Variants in FSTL4 observed in about 807,000 individuals in gnomAD.
FSTL4 encodes follistatin-related protein 4.
FSTL4 carries 28 observed loss-of-function variants against 78.2 expected under a neutral mutation model. The observed-to-expected ratio is 0.36, with a 90% CI of 0.27 to 0.49. The LOEUF is 0.49. FSTL4 is among the 20% of genes least tolerant of loss of function. FSTL4 has a pLI of 0.98. For missense variants in FSTL4, 922 were observed against 1,084.9 expected (o/e 0.85, Z 2.11); for synonymous variants, 422 against 440.5 (o/e 0.96, Z 0.53).
chr5:133,290,135 C>A (rs72803127), intron 6 of FSTL4, among the ~76,000 whole-genome samples: 26,051 of 152,134 alleles, frequency 0.17, 2,635 homozygotes, highest in African/African-American at 0.27. Flanking sequence ...CAGGGTGTGG[C>A]CCCTCGCAAA....
chr5:133,347,595 G>C (rs945772433), intron 4 of FSTL4, among the ~76,000 whole-genome samples: 1 of 152,166 alleles, frequency 6.6e-6, no homozygotes, highest in African/African-American at 2.4e-5. Flanking sequence ...CTGACCTCAA[G>C]TGATCCACCC....
At chr5:133,209,307 G>C (rs7722335) in intron 14 of FSTL4, among the ~76,000 whole-genome samples, 25,282 of 152,020 alleles carry the variant, frequency 0.17, 6,632 homozygotes, top group African/African-American at 0.56. Context: ...TCCAGACCCT[G>C]GTCTTTCTGC....
intron 13 of FSTL4, among the ~76,000 whole-genome samples, chr5:133,213,309 A>G (rs1750801060): frequency 6.9e-6 from 1 of 145,320 alleles, no homozygotes; most frequent in Non-Finnish European, 1.5e-5. Flanking sequence ...GGCCTGAGAA[A>G]TACAAAGTAA....
At chr5:133,768,974 AC>A in the FSTL4 span, among the ~76,000 whole-genome samples, 1 of 152,214 alleles carries the variant, frequency 6.6e-6, no homozygotes. Context: ...GTGGAAAGCT[AC>A]ACTGCTTCTC....
In FSTL4 at chr5:133,567,191, C is replaced by T; in HGVS notation, c.155G>A (p.Arg52Lys). The T allele has an allele frequency of 6.2e-7, 1 of 1,608,234 alleles. No individual in the cohort carries two copies. Among genetic ancestry groups the T allele is most frequent in the Non-Finnish European group, 8.5e-7 (1 of 1,174,608 alleles). ...TATGAGTGCATTTTTCCTACCTTCT[C>T]TTCTTGTGACTTCAAAGCTTCTGGG... Reference protein sequence around the residue: ...EEPRSFEVTRREGLSSHNELL... With the variant: ...EEPRSFEVTRKEGLSSHNELL... The change falls in exon 3 of 16, where the codon AGA becomes AAA. Residue 52 changes from arginine to lysine, a missense_variant. Arg to Lys is a conservative substitution (Grantham distance 26). Coordinates refer to ENST00000265342, the MANE Select transcript of FSTL4 (RefSeq NM_015082.2).
At chr5:133,833,882 T>C in the FSTL4 span, among the ~76,000 whole-genome samples, 35 of 152,384 alleles carry the variant, frequency 2.3e-4, 1 homozygote, top group Non-Finnish European at 4.0e-4. Flanking sequence ...CTTTTGGATC[T>C]GACTACAGAA....
the FSTL4 span, among the ~76,000 whole-genome samples, chr5:133,625,747 C>CATATATATTCCAT: frequency 5.9e-5 from 3 of 50,542 alleles, no homozygotes; most frequent in Non-Finnish European, 1.0e-4. Flanking sequence ...ATATATATTC[C>CATATATATTCCAT]ATATATATAT....
chr5:133,320,591 C>T (rs1042777982), intron 4 of FSTL4, among the ~76,000 whole-genome samples: 1 of 152,242 alleles, frequency 6.6e-6, no homozygotes, highest in Non-Finnish European at 1.5e-5. Context: ...AGATGTGAAG[C>T]TGGGCCCTCT....
intron 3 of FSTL4, among the ~76,000 whole-genome samples, chr5:133,501,501 G>A (rs931291014): frequency 6.6e-6 from 1 of 152,176 alleles, no homozygotes; most frequent in African/African-American, 2.4e-5. Context: ...CTGGAGGAAG[G>A]AGGAACAGGT....
At chr5:133,818,284 A>G in the FSTL4 span, among the ~76,000 whole-genome samples, 2 of 152,342 alleles carry the variant, frequency 1.3e-5, no homozygotes, top group South Asian at 2.1e-4. Flanking sequence ...GGGAACACAC[A>G]GCATGGCCAT....
the FSTL4 span, among the ~76,000 whole-genome samples, chr5:133,636,909 A>C: frequency 5.3e-5 from 8 of 152,214 alleles, no homozygotes; most frequent in African/African-American, 1.9e-4. Flanking sequence ...TATCCATACT[A>C]TACAGATGAG....
the FSTL4 span, among the ~76,000 whole-genome samples, chr5:133,779,191 A>T: frequency 1.3e-5 from 2 of 152,124 alleles, no homozygotes; most frequent in Non-Finnish European, 2.9e-5. Context: ...CTCCTAGTTC[A>T]AGCCCATCCT....
Position 133,208,680 on chromosome 5 carries a change from C to G in FSTL4, c.1716+1511G>C, listed in dbSNP as rs148694660. On this transcript the variant is annotated intron_variant, in intron 14 of 15. Coordinates refer to ENST00000265342, the MANE Select transcript of FSTL4 (RefSeq NM_015082.2). ...GTCTCAGTAGAAACCATGCATTTTTCTTTTTTTGTTTTTTGAGACAGAGTC... is the reference window on the plus strand; with the variant it reads ...GTCTCAGTAGAAACCATGCATTTTTGTTTTTTTGTTTTTTGAGACAGAGTC... Among the ~76,000 whole-genome samples, 550 of 152,082 alleles carry G rather than the reference C, an allele frequency of 3.6e-3. 4 individuals are homozygous for G. Among genetic ancestry groups the G allele is most frequent in the African/African-American group, 0.013 (534 of 41,490 alleles).
chr5:133,444,668 G>A (rs1348159220), intron 3 of FSTL4, among the ~76,000 whole-genome samples: 4 of 152,176 alleles, frequency 2.6e-5, no homozygotes, highest in Non-Finnish European at 5.9e-5. Context: ...GGGCTCTCAG[G>A]GACCAGGCAG....
At chr5:133,731,707 AG>A in the FSTL4 span, among the ~76,000 whole-genome samples, 2 of 152,088 alleles carry the variant, frequency 1.3e-5, no homozygotes, top group Non-Finnish European at 2.9e-5. Context: ...AGCAGGACAG[AG>A]GGGCTGCCGG....
At chr5:133,213,291 C>A (rs1208065556) in intron 13 of FSTL4, among the ~76,000 whole-genome samples, 2 of 151,340 alleles carry the variant, frequency 1.3e-5, no homozygotes, top group East Asian at 3.8e-4. Context: ...GCATGAGCCA[C>A]CGTGCCTGGC....
At chr5:133,691,713 C>A in the FSTL4 span, among the ~76,000 whole-genome samples, 21 of 151,934 alleles carry the variant, frequency 1.4e-4, no homozygotes, top group African/African-American at 4.8e-4. Flanking sequence ...CTGACTCACT[C>A]AACAAGCAGA....
At chr5:133,271,064 G>T (rs1302895541) in intron 6 of FSTL4, among the ~76,000 whole-genome samples, 3 of 152,220 alleles carry the variant, frequency 2.0e-5, no homozygotes, top group Admixed American at 6.5e-5. Flanking sequence ...CAGATGGAGG[G>T]AAGTGGCTGC....
At chr5:133,333,286 G>T (rs1461948131) in intron 4 of FSTL4, among the ~76,000 whole-genome samples, 1 of 152,222 alleles carries the variant, frequency 6.6e-6, no homozygotes. Flanking sequence ...TGAGGCCAAG[G>T]AACAGTGAGA....
Sources: gnomAD v4.1 joint callset for allele counts (sites outside exome capture counted in the v4.1 genomes callset) on GRCh38, gnomAD v4.1.1 for gene constraint, MANE v1.5 for transcripts, NCBI Gene and HGNC (gene_info 2026-07-23, HGNC 2026-07-21) for gene names.